MYH11: variants seen among roughly 807,000 people sequenced by gnomAD.
MYH11 encodes the protein myosin heavy chain 11.
Under a neutral mutation model 246.6 loss-of-function variants are expected in MYH11, and 80 were observed. The observed-to-expected ratio is 0.32, with a 90% CI of 0.27 to 0.39. The LOEUF (loss-of-function observed/expected upper bound fraction) is 0.39. Among genes scored for constraint, MYH11 ranks in the 10% least tolerant of loss-of-function variants. The probability of loss-of-function intolerance (pLI) is 1.00; values close to 1 mark genes in which losing one functional copy is unlikely to be tolerated. For missense variants in MYH11, 2,158 were observed against 2,546.8 expected, an observed-to-expected ratio of 0.85 and a Z score of 3.29; for synonymous variants, 1,071 against 1,015.5, an observed-to-expected ratio of 1.05 and a Z score of -1.04.
At chr16:15,788,588 T>C (rs1340428891) in intron 4 of MYH11, among the ~76,000 whole-genome samples, 1 of 152,134 alleles carries the variant, frequency 6.6e-6, no homozygotes, top group African/African-American at 2.4e-5. Flanking sequence ...CTGTGCCTAA[T>C]CCTACAGGTC....
chr16:15,784,570 G>A, intron 5 of MYH11: 2 of 956,156 alleles, frequency 2.1e-6, no homozygotes, highest in South Asian at 1.6e-5. Flanking sequence ...GATTTAAGTT[G>A]TGAAACTCTA....
intron 40 of MYH11, among the ~76,000 whole-genome samples, chr16:15,705,504 T>C (rs1217049261): frequency 6.6e-6 from 1 of 152,144 alleles, no homozygotes; most frequent in African/African-American, 2.4e-5. Flanking sequence ...AACACTTAAC[T>C]CTTTTCAGCA....
intron 22 of MYH11, 53 bp from the exon 23 acceptor site, chr16:15,740,241 C>CGTGG: frequency 6.2e-7 from 1 of 1,612,406 alleles, no homozygotes; most frequent in Non-Finnish European, 8.5e-7. Flanking sequence ...GATTTACTCT[C>CGTGG]GTGGTGATCT....
At chr16:15,763,401 T>C (rs2041910738) in intron 10 of MYH11, among the ~76,000 whole-genome samples, 1 of 152,108 alleles carries the variant, frequency 6.6e-6, no homozygotes, top group Non-Finnish European at 1.5e-5. Flanking sequence ...CTGGTCACTA[T>C]TAGGGGTAGG....
chr16:15,818,225 T>C (rs1474113862), intron 3 of MYH11, among the ~76,000 whole-genome samples: 1 of 152,130 alleles, frequency 6.6e-6, no homozygotes, highest in Non-Finnish European at 1.5e-5. Context: ...TCTCTCCACC[T>C]TCATGGTAAG....
At chr16:15,807,472 C>G (rs1443171139) in intron 3 of MYH11, among the ~76,000 whole-genome samples, 2 of 152,114 alleles carry the variant, frequency 1.3e-5, no homozygotes, top group African/African-American at 4.8e-5. Context: ...AGGAAGCCTT[C>G]ACGGCAGAGG....
chr16:15,713,133 T>C (rs2039914224), intron 40 of MYH11: 1 of 151,726 alleles, frequency 6.6e-6, no homozygotes, highest in African/African-American at 2.4e-5. Flanking sequence ...ATGGAGCAAA[T>C]GAAAGAGAAA....
At chr16:15,760,163 A>G (rs1350088598) in intron 11 of MYH11, among the ~76,000 whole-genome samples, 2 of 152,178 alleles carry the variant, frequency 1.3e-5, no homozygotes, top group Admixed American at 6.5e-5. Context: ...TATTGAATAA[A>G]TGAGGGATAA....
rs552508141 is a variant in MYH11 at position 15,762,729 on chromosome 16, A to AT, written c.1129+1066dup. Among the ~76,000 whole-genome samples, 235 of 152,330 alleles carry AT rather than the reference A, an allele frequency of 1.5e-3. 1 individual carries two copies. Among genetic ancestry groups the AT allele is most frequent in the South Asian group, 2.3e-3 (11 of 4,822 alleles). On this transcript the variant is annotated intron_variant, in intron 10 of 40. Transcript: ENST00000300036. ...ATGCTCAAGGAGATTGATTTGAGTAATAATAAAACTCTGTTCTCCCATGCA... is the reference window on the plus strand; with the variant it reads ...ATGCTCAAGGAGATTGATTTGAGTAATTAATAAAACTCTGTTCTCCCATGCA...
Position 15,786,822 on chromosome 16 carries a change from C to G in MYH11, c.531-90G>C, listed in dbSNP as rs1027118502. On this transcript the variant is annotated intron_variant, in intron 4 of 40. Coordinates refer to ENST00000300036, the MANE Select transcript of MYH11 (RefSeq NM_002474.3). ...CCAGGCAGGACAATAATGATCATCA[C>G]CACCATTTCCCAGAGGGTGAAACAG... is the stretch of plus-strand genomic sequence containing the variant. 2.6e-6 allele frequency: 3 copies of G among 1,154,236 alleles called. No homozygotes were observed. The African/African-American group carries it at 4.6e-5, about 18-fold the overall frequency. 71.5% of individuals were successfully genotyped at this position (1,154,236 alleles called of 1,614,324 possible).
At chr16:15,709,283 A>G (rs2039646172) in intron 40 of MYH11, among the ~76,000 whole-genome samples, 1 of 151,280 alleles carries the variant, frequency 6.6e-6, no homozygotes, top group Admixed American at 6.6e-5. Context: ...GCAGTGAATC[A>G]CCTGACGCCA....
chr16:15,756,998 C>G (rs1408311084), intron 13 of MYH11, among the ~76,000 whole-genome samples: 2 of 150,550 alleles, frequency 1.3e-5, no homozygotes, highest in Admixed American at 1.3e-4. Flanking sequence ...CGGGGTTTCA[C>G]CGTGTTAGCC....
chr16:15,744,789 C>T (rs1484063033), intron 20 of MYH11, among the ~76,000 whole-genome samples: 3 of 152,248 alleles, frequency 2.0e-5, no homozygotes, highest in Admixed American at 6.5e-5. Flanking sequence ...AGGCGTGAGC[C>T]GCCGCCCCCG....
At chr16:15,775,246 C>A (rs2042192434) in intron 8 of MYH11, among the ~76,000 whole-genome samples, 1 of 152,186 alleles carries the variant, frequency 6.6e-6, no homozygotes, top group Admixed American at 6.5e-5. Flanking sequence ...CATAAAAAAA[C>A]TTTTCCCTAC....
At chr16:15,839,585 T>G (rs990186997) in intron 1 of MYH11, among the ~76,000 whole-genome samples, 6 of 151,730 alleles carry the variant, frequency 4.0e-5, no homozygotes, top group African/African-American at 1.5e-4. Flanking sequence ...TCCCAGCTAC[T>G]CAGGAGGCTG....
intron 2 of MYH11, among the ~76,000 whole-genome samples, chr16:15,832,394 G>T (rs1419100948): frequency 6.6e-6 from 1 of 152,014 alleles, no homozygotes; most frequent in Non-Finnish European, 1.5e-5. Context: ...AGTGAAGCAG[G>T]GCGTGTGTGA....
At position 15,776,171 on chromosome 16, in the gene MYH11, G is replaced by A. The variant is rs781481434; in HGVS notation, c.796C>T (p.Leu266=). The A allele has an allele frequency of 6.2e-7, 1 of 1,613,200 alleles. No homozygotes were observed. The highest frequency in any genetic ancestry group is 8.5e-7 in the Non-Finnish European group (1 of 1,179,206). The change falls in exon 8 of 41, where the codon CTA becomes TTA. Residue 266 remains leucine, a synonymous_variant. Transcript: ENST00000300036. ...TGGCGAATTGCCCGTGATTTTTCTA[G>A]CAGATCTGGTTTGGAGGGAGTTAGG... ...IVGANIETYL[L]EKSRAIRQAR...
intron 2 of MYH11, among the ~76,000 whole-genome samples, chr16:15,831,543 C>T (rs550088440): frequency 3.6e-4 from 54 of 150,464 alleles, no homozygotes; most frequent in African/African-American, 1.1e-3. Flanking sequence ...GGGAAGAGGG[C>T]TGCTTTTTGT....
In MYH11 at chr16:15,759,637, G is replaced by A. The variant is rs2041820185; in HGVS notation, c.1340C>T (p.Thr447Ile). 1 of 1,614,194 alleles carries A rather than the reference G, an allele frequency of 6.2e-7. No homozygotes were observed. Among genetic ancestry groups the A allele is most frequent in the Non-Finnish European group, 8.5e-7 (1 of 1,180,032 alleles). ...CAGGAAGGAAGCCCCTTGCCGATGG[G>A]TCTTGTCCAGGGCTTTGTTCACGCG... The part of the protein sequence containing the change: ...LTRVNKALDK[T>I]HRQGASFLGI... The change falls in exon 12 of 41, where the codon ACC (threonine) becomes ATC (isoleucine). Residue 447 changes from threonine (T) to isoleucine (I), a missense_variant. By Grantham distance (89) the Thr-to-Ile change is moderately conservative (BLOSUM62 -1). Around this residue, in one of 11 missense-constraint regions of MYH11, gnomAD observed 317 missense variants for 507.7 expected, o/e 0.62. Transcript: ENST00000300036.
Sources: gnomAD v4.1 joint callset for allele counts (sites outside exome capture counted in the v4.1 genomes callset) on GRCh38, gnomAD v4.1.1 for gene constraint, gnomAD v4.1.1 regional missense constraint, MANE v1.5 for transcripts, NCBI Gene and HGNC (gene_info 2026-07-23, HGNC 2026-07-21) for gene names.